KDM4C: variants seen among roughly 807,000 people sequenced by gnomAD.
KDM4C encodes the protein lysine demethylase 4C.
A neutral mutation model predicts 129.3 loss-of-function variants in KDM4C; 81 were observed. The observed-to-expected ratio is 0.63, with a 90% CI of 0.52 to 0.75. The LOEUF is 0.75. Among genes scored for constraint, KDM4C ranks in the 30% least tolerant of loss-of-function variants. The pLI is 0.00. For synonymous variants in KDM4C, 573 were observed against 456.1 expected, an observed-to-expected ratio of 1.26 and a Z score of -3.26; for missense variants, 1,457 against 1,304.0, an observed-to-expected ratio of 1.12 and a Z score of -1.81.
chr9:6,816,273 A>G (rs778590731), intron 4 of KDM4C, among the ~76,000 whole-genome samples: 5 of 152,224 alleles, frequency 3.3e-5, no homozygotes, highest in Non-Finnish European at 5.9e-5. Flanking sequence ...CAAGCTAGAA[A>G]GTGCATAGAA....
intron 15 of KDM4C, among the ~76,000 whole-genome samples, chr9:7,036,984 C>G (rs796653234): frequency 3.9e-5 from 6 of 152,288 alleles, no homozygotes; most frequent in African/African-American, 1.4e-4. Context: ...CTGCAGGACA[C>G]TTGTCATTCA....
chr9:7,009,074 G>C (rs1407922819), intron 12 of KDM4C, among the ~76,000 whole-genome samples: 2 of 152,168 alleles, frequency 1.3e-5, no homozygotes, highest in Non-Finnish European at 2.9e-5. Context: ...CTGCCTAAAA[G>C]TAATTCAAAA....
chr9:6,765,838 G>C (rs1458280384), intron 1 of KDM4C, among the ~76,000 whole-genome samples: 3 of 152,088 alleles, frequency 2.0e-5, no homozygotes, highest in Non-Finnish European at 4.4e-5. Context: ...ACCCAGGCTG[G>C]AGTGCAGTGG....
intron 8 of KDM4C, among the ~76,000 whole-genome samples, chr9:6,936,601 GT>G (rs1349698158): frequency 6.6e-6 from 1 of 152,112 alleles, no homozygotes; most frequent in East Asian, 1.9e-4. Flanking sequence ...CCTGGTTTAG[GT>G]TGAACGCCAT....
chr9:6,996,806 T>C (rs1191941516), intron 12 of KDM4C, among the ~76,000 whole-genome samples: 1 of 152,246 alleles, frequency 6.6e-6, no homozygotes, highest in Non-Finnish European at 1.5e-5. Context: ...GATTTTAGTT[T>C]TCTTTTTTAT....
chr9:7,118,255 C>A (rs2133270440), intron 18 of KDM4C, among the ~76,000 whole-genome samples: 1 of 152,302 alleles, frequency 6.6e-6, no homozygotes, highest in South Asian at 2.1e-4. Context: ...TAATTAAAAA[C>A]CCATGAGAAA....
chr9:6,949,035 C>T (rs1423863822), intron 8 of KDM4C, among the ~76,000 whole-genome samples: 1 of 151,996 alleles, frequency 6.6e-6, no homozygotes, highest in Non-Finnish European at 1.5e-5. Context: ...GGCAGAGGGG[C>T]TCCTCACTTC....
chr9:7,167,210 A>G (rs1487035378), intron 20 of KDM4C, among the ~76,000 whole-genome samples: 1 of 152,154 alleles, frequency 6.6e-6, no homozygotes, highest in Non-Finnish European at 1.5e-5. Context: ...TGGTAAAGAG[A>G]GGGCCAAAAT....
intron 1 of KDM4C, among the ~76,000 whole-genome samples, chr9:6,785,790 G>T (rs781675645): frequency 6.6e-5 from 10 of 152,182 alleles, no homozygotes; most frequent in African/African-American, 1.2e-4. Context: ...CGTGTCTTTT[G>T]GGGGGACACA....
chr9:7,092,558 G>A (rs761706981), intron 17 of KDM4C, among the ~76,000 whole-genome samples: 1 of 152,252 alleles, frequency 6.6e-6, no homozygotes, highest in Non-Finnish European at 1.5e-5. Context: ...CACAGTTGAA[G>A]CAGTAAAATA....
chr9:7,107,509 C>G (rs1564126732), intron 18 of KDM4C, among the ~76,000 whole-genome samples: 1 of 152,170 alleles, frequency 6.6e-6, no homozygotes, highest in Non-Finnish European at 1.5e-5. Flanking sequence ...ACTTAGTAAA[C>G]TTTCATATTA....
At chr9:7,027,105 A>T (rs746719383) in intron 15 of KDM4C, among the ~76,000 whole-genome samples, 148 of 151,980 alleles carry the variant, frequency 9.7e-4, no homozygotes, top group Non-Finnish European at 2.2e-4. Context: ...TATTTAGTTT[A>T]CTTGGTGAGA....
intron 1 of KDM4C, among the ~76,000 whole-genome samples, chr9:6,780,922 C>CT (rs1271018089): frequency 6.6e-6 from 1 of 152,032 alleles, no homozygotes; most frequent in Non-Finnish European, 1.5e-5. Flanking sequence ...ATGATTCAGT[C>CT]TTGGCTTTTT....
intron 4 of KDM4C, among the ~76,000 whole-genome samples, chr9:6,827,488 A>G (rs567255408): frequency 2.0e-5 from 3 of 152,174 alleles, no homozygotes; most frequent in Admixed American, 6.5e-5. Context: ...CATTTAACCT[A>G]TAGACTTTTT....
intron 17 of KDM4C, among the ~76,000 whole-genome samples, chr9:7,069,477 A>C (rs2132792463): frequency 6.6e-6 from 1 of 152,282 alleles, no homozygotes; most frequent in East Asian, 1.9e-4. Context: ...GCACCACTGC[A>C]CTCCACCCTA....
intron 4 of KDM4C, among the ~76,000 whole-genome samples, chr9:6,832,065 T>A (rs1564114449): frequency 6.6e-6 from 1 of 152,078 alleles, no homozygotes; most frequent in Non-Finnish European, 1.5e-5. Context: ...GTCGGCTGGG[T>A]GCGGTGGTCA....
At chr9:7,128,287 A>G in intron 19 of KDM4C, 51 bp downstream of exon 19, 1 of 1,385,724 alleles carries the variant, frequency 7.2e-7, no homozygotes, top group Non-Finnish European at 9.5e-7. Flanking sequence ...TAAAAAAAAA[A>G]ACCAAAGTAA....
At chr9:6,831,130 G>C (rs142335395) in intron 4 of KDM4C, among the ~76,000 whole-genome samples, 4 of 152,178 alleles carry the variant, frequency 2.6e-5, no homozygotes, top group Admixed American at 2.0e-4. Context: ...CCACTAGTCA[G>C]TGGGGGAAGC....
intron 15 of KDM4C, among the ~76,000 whole-genome samples, chr9:7,024,410 G>A (rs1349377293): frequency 2.6e-4 from 39 of 149,340 alleles, no homozygotes. Flanking sequence ...GTATACATGT[G>A]CCATGTTGGT....
Sources: gnomAD v4.1 joint callset for allele counts (sites outside exome capture counted in the v4.1 genomes callset) on GRCh38, gnomAD v4.1.1 for gene constraint, MANE v1.5 for transcripts, NCBI Gene and HGNC (gene_info 2026-07-23, HGNC 2026-07-21) for gene names.